The following ANKS1B variants were observed in gnomAD, a reference collection of about 807,000 sequenced individuals.
The protein encoded by ANKS1B is ankyrin repeat and sterile alpha motif domain-containing protein 1B.
Under a neutral mutation model 148.3 loss-of-function variants are expected in ANKS1B, and 36 were observed. The observed-to-expected ratio is 0.24, with a 90% CI of 0.19 to 0.32. The LOEUF is 0.32. Ranked by LOEUF, ANKS1B falls within the 10% of genes least tolerant of loss-of-function variation. The pLI, the probability that ANKS1B is intolerant of heterozygous loss-of-function variation, is 1.00. For missense variants in ANKS1B, 1,157 were observed against 1,542.6 expected, an observed-to-expected ratio of 0.75 and a Z score of 4.19; for synonymous variants, 542 against 560.8, an observed-to-expected ratio of 0.97 and a Z score of 0.47.
At chr12:98,969,481 C>T (rs2099881367) in intron 17 of ANKS1B, among the ~76,000 whole-genome samples, 1 of 152,104 alleles carries the variant, frequency 6.6e-6, no homozygotes, top group Admixed American at 6.5e-5. Flanking sequence ...CTCATACTCA[C>T]ATGCTGTGCA....
chr12:99,850,287 CT>C lies in ANKS1B; in HGVS notation c.135-24899del, dbSNP rs1305263138. Among the ~76,000 whole-genome samples the C allele has an allele frequency of 4.5e-4, 59 of 130,976 alleles. 3 individuals are homozygous for C. Among genetic ancestry groups the C allele is most frequent in the Admixed American group, 1.7e-3 (20 of 12,022 alleles). The allele number at this position is 130,976 out of a possible 152,430, so 85.9% of individuals were successfully genotyped here. On this transcript the variant is annotated intron_variant, in intron 1 of 26. Transcript: ENST00000683438. Reference sequence around the variant, plus strand: ...AAACAGCAGAAGCAAGAAAGTCTCTCTCTCTCTCTCTCTCTCTCTCTCTCTC... The same window carrying C: ...AAACAGCAGAAGCAAGAAAGTCTCTCCTCTCTCTCTCTCTCTCTCTCTCTC...
chr12:99,500,762 A>C (rs1356535222), intron 10 of ANKS1B, among the ~76,000 whole-genome samples: 1 of 152,112 alleles, frequency 6.6e-6, no homozygotes, highest in African/African-American at 2.4e-5. Context: ...TCACTTGTCT[A>C]CCTCTTCGAG....
At chr12:99,916,904 A>T (rs1007606218) in intron 1 of ANKS1B, among the ~76,000 whole-genome samples, 1 of 152,262 alleles carries the variant, frequency 6.6e-6, no homozygotes, top group Non-Finnish European at 1.5e-5. Context: ...GTGAGAGTAC[A>T]TATTTGGAAA....
intron 15 of ANKS1B, among the ~76,000 whole-genome samples, chr12:99,123,387 C>T (rs868161078): frequency 5.9e-5 from 9 of 152,038 alleles, no homozygotes; most frequent in African/African-American, 1.9e-4. Context: ...TGTGCTTGGC[C>T]GGATCAGGAC....
At chr12:99,676,503 G>A (rs1356554991) in intron 8 of ANKS1B, among the ~76,000 whole-genome samples, 1 of 152,134 alleles carries the variant, frequency 6.6e-6, no homozygotes, top group African/African-American at 2.4e-5. Context: ...TCAGAATGCA[G>A]AGGCAATCCT....
chr12:99,500,362 G>A (rs2096643665), intron 10 of ANKS1B, among the ~76,000 whole-genome samples: 1 of 152,158 alleles, frequency 6.6e-6, no homozygotes, highest in African/African-American at 2.4e-5. Context: ...AACCCAAGCA[G>A]TGCCTGGAGA....
intron 14 of ANKS1B, among the ~76,000 whole-genome samples, chr12:99,201,514 A>AAT (rs1225160789): frequency 6.6e-6 from 1 of 152,224 alleles, no homozygotes; most frequent in Non-Finnish European, 1.5e-5. Flanking sequence ...GGAACAGTTG[A>AAT]ATAAATTTAT....
At chr12:98,859,705 A>G (rs1339085922) in intron 17 of ANKS1B, among the ~76,000 whole-genome samples, 2 of 152,244 alleles carry the variant, frequency 1.3e-5, no homozygotes, top group Non-Finnish European at 2.9e-5. Flanking sequence ...AAATCGATAC[A>G]GCCCAGGAGA....
rs12581996 is a variant in ANKS1B, at chr12:99,359,567, T to C, written c.1756+40064A>G. On this transcript the variant is annotated intron_variant, in intron 12 of 26. Coordinates refer to ENST00000683438, the MANE Select transcript of ANKS1B (RefSeq NM_001352186.2). Reference sequence around the variant, plus strand: ...AATAGTTTCTTATTGTTAAAAAAGATATAAAAAATGTTCCTTTAAATGAAT... The same window carrying C: ...AATAGTTTCTTATTGTTAAAAAAGACATAAAAAATGTTCCTTTAAATGAAT... 3.7e-3 allele frequency among the ~76,000 whole-genome samples: 556 copies of C among 152,230 alleles called. 30 individuals are homozygous for C. The East Asian group carries it at 0.085, about 23-fold the overall frequency.
intron 10 of ANKS1B, among the ~76,000 whole-genome samples, chr12:99,464,445 T>C (rs1256160529): frequency 1.3e-5 from 2 of 152,176 alleles, no homozygotes; most frequent in African/African-American, 2.4e-5. Flanking sequence ...GGACGGAGAA[T>C]GACTTTGACG....
At chr12:98,796,329 C>T (rs1166460183) in intron 22 of ANKS1B, among the ~76,000 whole-genome samples, 1 of 152,132 alleles carries the variant, frequency 6.6e-6, no homozygotes, top group East Asian at 1.9e-4. Flanking sequence ...TCTTAATCTA[C>T]AATACTTTGG....
chr12:99,707,654 G>A (rs928737309), intron 8 of ANKS1B, among the ~76,000 whole-genome samples: 5 of 151,994 alleles, frequency 3.3e-5, no homozygotes, highest in South Asian at 2.1e-4. Context: ...GTGAAATGGT[G>A]CAGCTTACAG....
rs2094365355 is a variant in ANKS1B, at chr12:99,400,197, T to C, written c.1576-386A>G. Among the ~76,000 whole-genome samples the C allele has an allele frequency of 1.8e-5, 2 of 111,968 alleles. 1 individual carries two copies. Among genetic ancestry groups the C allele is most frequent in the Admixed American group, 1.7e-4 (2 of 11,840 alleles). 73.5% of individuals were successfully genotyped at this position (111,968 alleles called of 152,430 possible). On this transcript the variant is annotated intron_variant, in intron 11 of 26. Coordinates refer to ENST00000683438, the MANE Select transcript of ANKS1B (RefSeq NM_001352186.2). Reference sequence around the variant, plus strand: ...CAGACCCAGAGGATATAGAATCTAATAATAAAAGGGCCTTACAACATAGAA... The same window carrying C: ...CAGACCCAGAGGATATAGAATCTAACAATAAAAGGGCCTTACAACATAGAA...
chr12:99,010,537 A>G (rs2099938692), intron 17 of ANKS1B, among the ~76,000 whole-genome samples: 2 of 152,144 alleles, frequency 1.3e-5, no homozygotes, highest in South Asian at 4.1e-4. Flanking sequence ...GAAACCTCAC[A>G]TATTGATGAA....
intron 17 of ANKS1B, among the ~76,000 whole-genome samples, chr12:99,039,427 G>C (rs2099957521): frequency 6.6e-6 from 1 of 152,220 alleles, no homozygotes; most frequent in African/African-American, 2.4e-5. Context: ...TTTGTAAAGG[G>C]CATTGTGTGA....
At chr12:99,173,998 A>T (rs1024532259) in intron 14 of ANKS1B, among the ~76,000 whole-genome samples, 1 of 152,138 alleles carries the variant, frequency 6.6e-6, no homozygotes, top group Non-Finnish European at 1.5e-5. Context: ...TCTAATTAAT[A>T]GCATACCTCA....
intron 17 of ANKS1B, among the ~76,000 whole-genome samples, chr12:99,022,786 A>G (rs1276529261): frequency 1.3e-5 from 2 of 152,062 alleles, no homozygotes; most frequent in African/African-American, 4.8e-5. Context: ...TCCTGGGCTC[A>G]AGGGATCTTC....
intron 10 of ANKS1B, among the ~76,000 whole-genome samples, chr12:99,497,574 A>G (rs2096616333): frequency 6.6e-6 from 1 of 152,044 alleles, no homozygotes; most frequent in Non-Finnish European, 1.5e-5. Flanking sequence ...TCTTCCCTCT[A>G]TGGGTGCCTG....
chr12:99,565,978 C>T (rs1202823852), intron 9 of ANKS1B, among the ~76,000 whole-genome samples: 1 of 152,154 alleles, frequency 6.6e-6, no homozygotes, highest in Non-Finnish European at 1.5e-5. Context: ...ATCAGTGAGG[C>T]ACACCCTTAA....
Sources: allele counts gnomAD v4.1 joint callset (sites outside exome capture counted in the v4.1 genomes callset), GRCh38; gene constraint gnomAD v4.1.1; transcripts MANE v1.5; gene names NCBI Gene and HGNC (gene_info 2026-07-23, HGNC 2026-07-21).